TENM3: variants seen among roughly 807,000 people sequenced by gnomAD.
TENM3 encodes teneurin transmembrane protein 3, also known as teneurin-3.
TENM3 carries 63 observed loss-of-function variants against 255.1 expected under a neutral mutation model. That is an observed-to-expected ratio of 0.25 (90% confidence interval 0.20 to 0.30). The LOEUF (loss-of-function observed/expected upper bound fraction) is 0.30, where lower values mean the gene tolerates loss of function less well. Among genes scored for constraint, TENM3 ranks in the 10% least tolerant of loss-of-function variants. TENM3 has a pLI of 1.00. For synonymous variants in TENM3, 1,306 were observed against 1,322.3 expected (o/e 0.99, Z 0.27); for missense variants, 2,929 against 3,461.1 (o/e 0.85, Z 3.86).
chr4:182,353,966 G>GAAA (rs33947631), intron 3 of TENM3, among the ~76,000 whole-genome samples: 1 of 132,644 alleles, frequency 7.5e-6, no homozygotes, highest in Non-Finnish European at 1.6e-5. Flanking sequence ...ACTCCAGCTG[G>GAAA]AAAAAAAAAA....
chr4:182,155,262 G>C (rs1750625591), intron 1 of TENM3, among the ~76,000 whole-genome samples: 1 of 152,076 alleles, frequency 6.6e-6, no homozygotes, highest in Non-Finnish European at 1.5e-5. Context: ...AGTTTTAAAA[G>C]AGTAGTAAAG....
chr4:182,199,134 T>C (rs1158118826), intron 1 of TENM3, among the ~76,000 whole-genome samples: 1 of 152,150 alleles, frequency 6.6e-6, no homozygotes, highest in African/African-American at 2.4e-5. Context: ...GGGGACTGAA[T>C]GGTGTTGACT....
At chr4:181,547,930 C>T in the TENM3 span, among the ~76,000 whole-genome samples, 1 of 151,990 alleles carries the variant, frequency 6.6e-6, no homozygotes, top group Non-Finnish European at 1.5e-5. Flanking sequence ...TTTAACATTA[C>T]ATATATCTCC....
chr4:182,058,694 G>A, the TENM3 span, among the ~76,000 whole-genome samples: 2 of 151,880 alleles, frequency 1.3e-5, no homozygotes, highest in African/African-American at 4.8e-5. Flanking sequence ...TAAATCTCTA[G>A]GAAAAAAGCT....
At chr4:182,212,603 A>G (rs1755128885) in intron 1 of TENM3, among the ~76,000 whole-genome samples, 1 of 152,078 alleles carries the variant, frequency 6.6e-6, no homozygotes, top group African/African-American at 2.4e-5. Flanking sequence ...GCTGAAATAG[A>G]TTGCTTACAT....
At chr4:181,939,963 C>G in the TENM3 span, among the ~76,000 whole-genome samples, 4 of 152,158 alleles carry the variant, frequency 2.6e-5, no homozygotes, top group Non-Finnish European at 5.9e-5. Context: ...TCGTGACAAG[C>G]AATTGACTGA....
the TENM3 span, among the ~76,000 whole-genome samples, chr4:181,841,728 A>G: frequency 6.6e-6 from 1 of 152,172 alleles, no homozygotes; most frequent in Non-Finnish European, 1.5e-5. Context: ...TCTCTTTTGT[A>G]TATTCAGAAA....
Position 182,688,178 on chromosome 4 carries a change from T to A in TENM3, c.2048T>A (p.Val683Glu). Residue 683 changes from valine (V) to glutamate (E), a missense_variant, in exon 12 of 28, where the codon GTG (valine) becomes GAG (glutamate). Physicochemically the swap from Val to Glu is moderately radical, Grantham distance 121. Transcript: ENST00000511685. ...TCCTCCCACATAGAAATATGTTCTG[T>A]GGACTGTGGCTCACACGGCGTTTGC... The part of the protein sequence containing the change: ...GPDCSNEICS[V>E]DCGSHGVCMG... 3 of 1,610,514 alleles carry A rather than the reference T, an allele frequency of 1.9e-6. No individual in the cohort carries two copies. Among genetic ancestry groups the A allele is most frequent in the Non-Finnish European group, 2.5e-6 (3 of 1,178,166 alleles).
chr4:181,923,229 G>T, the TENM3 span, among the ~76,000 whole-genome samples: 1 of 152,248 alleles, frequency 6.6e-6, no homozygotes, highest in South Asian at 2.1e-4. Context: ...GGGGTGGAGA[G>T]TTCTGTAGAT....
At chr4:182,527,657 C>G (rs949296379) in intron 3 of TENM3, among the ~76,000 whole-genome samples, 1 of 152,114 alleles carries the variant, frequency 6.6e-6, no homozygotes, top group Non-Finnish European at 1.5e-5. Context: ...CTTAACCTTT[C>G]TAAACATTGA....
chr4:181,745,112 C>T, the TENM3 span, among the ~76,000 whole-genome samples: 4 of 151,956 alleles, frequency 2.6e-5, no homozygotes, highest in Admixed American at 6.6e-5. Context: ...ACATGGACAC[C>T]CCAATGTTAA....
intron 3 of TENM3, among the ~76,000 whole-genome samples, chr4:182,435,720 A>T (rs1396130106): frequency 6.6e-6 from 1 of 152,210 alleles, no homozygotes; most frequent in East Asian, 1.9e-4. Flanking sequence ...CACAAGAATT[A>T]ATTTAAGAAT....
At chr4:181,836,668 AATAACTTT>A in the TENM3 span, among the ~76,000 whole-genome samples, 2 of 152,298 alleles carry the variant, frequency 1.3e-5, no homozygotes, top group South Asian at 4.1e-4. Context: ...ACCGTGCCTT[AATAACTTT>A]AGCCTCACTG....
chr4:181,703,344 A>G, the TENM3 span, among the ~76,000 whole-genome samples: 1 of 152,156 alleles, frequency 6.6e-6, no homozygotes, highest in Non-Finnish European at 1.5e-5. Flanking sequence ...GGGGATTTGA[A>G]TAACTTACCC....
chr4:181,696,919 G>T, the TENM3 span, among the ~76,000 whole-genome samples: 21 of 152,192 alleles, frequency 1.4e-4, no homozygotes, highest in Non-Finnish European at 2.9e-4. Flanking sequence ...GCATGCCAGT[G>T]AACAGGAGGA....
chr4:182,112,275 T>G, the TENM3 span, among the ~76,000 whole-genome samples: 1 of 152,146 alleles, frequency 6.6e-6, no homozygotes, highest in Non-Finnish European at 1.5e-5. Flanking sequence ...ACCCCACAGA[T>G]GAGCTGCCGT....
chr4:182,571,563 A>C (rs1191250815), intron 3 of TENM3, among the ~76,000 whole-genome samples: 1 of 152,088 alleles, frequency 6.6e-6, no homozygotes, highest in Admixed American at 6.6e-5. Context: ...CACACGCACA[A>C]ATTATACCTT....
the TENM3 span, among the ~76,000 whole-genome samples, chr4:181,696,806 A>G: frequency 6.6e-6 from 1 of 152,142 alleles, no homozygotes. Context: ...CAGAGATTGA[A>G]CTCAGAACTT....
At chr4:181,451,054 A>G in the TENM3 span, among the ~76,000 whole-genome samples, 1 of 152,160 alleles carries the variant, frequency 6.6e-6, no homozygotes, top group East Asian at 1.9e-4. Context: ...GTGATGAAAA[A>G]ACTAAAGTCC....
Sources: gnomAD v4.1 joint callset for allele counts (sites outside exome capture counted in the v4.1 genomes callset) on GRCh38, gnomAD v4.1.1 for gene constraint, MANE v1.5 for transcripts, NCBI Gene and HGNC (gene_info 2026-07-23, HGNC 2026-07-21) for gene names.